The following ATG9B variants were observed in gnomAD, a reference collection of about 807,000 sequenced individuals.
ATG9B encodes the protein autophagy related 9B, also known as autophagy-related protein 9B.
In ATG9B, 92 loss-of-function variants were observed where a neutral mutation model predicts 92.9. That is an observed-to-expected ratio of 0.99 (90% CI 0.84 to 1.18). The LOEUF is 1.18. ATG9B is among the 50% of genes most tolerant of loss of function. ATG9B has a pLI of 0.00. For missense variants in ATG9B, 1,344 were observed against 1,235.0 expected, an observed-to-expected ratio of 1.09 and a Z score of -1.32; for synonymous variants, 599 against 551.4, an observed-to-expected ratio of 1.09 and a Z score of -1.21.
At chr7:151,017,848 C>T (rs1242956762) in intron 8 of ATG9B, 23 bp downstream of exon 8, 9 of 1,573,672 alleles carry the variant, frequency 5.7e-6, no homozygotes, top group Non-Finnish European at 7.8e-6. Context: ...CCCAAACCCC[C>T]AGGGCCAGGG....
At chr7:151,014,289 GCTGCAAGGATTCAGC>G, downstream of ATG9B, 1 of 1,049,816 alleles carries the variant, frequency 9.5e-7, no homozygotes, top group Admixed American at 2.7e-5. Flanking sequence ...CTGTCCAGAG[GCTGCAAGGATTCAGC>G]ATTATTCCTC....
chr7:151,016,787 G>A lies in ATG9B; in HGVS notation c.2324C>T (p.Pro775Leu). 1 of 1,612,218 alleles carries A rather than the reference G, an allele frequency of 6.2e-7. No individual in the cohort carries two copies. The highest frequency in any genetic ancestry group is 1.3e-5 in the African/African-American group (1 of 74,948). ...EAFLANLFVH[P>L]LLPPRDLSPT... Reference sequence around the variant, plus strand: ...GCTCAGATCTCTCGGAGGCAGGAGAGGGTGCACGAAGAGGTTGGCCAGGAA... The same window carrying A: ...GCTCAGATCTCTCGGAGGCAGGAGAAGGTGCACGAAGAGGTTGGCCAGGAA... The change falls in exon 10 of 14, where the codon CCT becomes CTT. Residue 775 changes from proline to leucine, a missense_variant. By Grantham distance (98) the Pro-to-Leu change is moderately conservative. Coordinates refer to ENST00000639579, the MANE Select transcript of ATG9B (RefSeq NM_001317056.2).
chr7:151,014,200 G>A, downstream of ATG9B: 1 of 1,574,638 alleles, frequency 6.4e-7, no homozygotes, highest in African/African-American at 1.3e-5. Flanking sequence ...CCAGTTCCGG[G>A]AGAGCGGCTG....
chr7:151,018,974 G>T lies in ATG9B; in HGVS notation c.1364C>A (p.Ala455Asp). 6.3e-7 allele frequency: 1 copy of T among 1,579,160 alleles called. No homozygotes were observed. Residue 455 changes from alanine to aspartate, a missense_variant, in exon 6 of 14, where the codon GCC becomes GAC. Physicochemically the swap from Ala to Asp is moderately radical, Grantham distance 126. Coordinates refer to ENST00000639579, the MANE Select transcript of ATG9B (RefSeq NM_001317056.2). The surrounding 1 kb of genome is among the most constrained non-coding windows in gnomAD (Gnocchi z 4.7). ...ATAGAAGACGTGCAGAACCTGCCAG[G>T]CCAGCACCAGCGGGCTCAGCGCCAG... Reference protein sequence around the residue: ...LNLALSPLVLAWQVLHVFYSH... With the variant: ...LNLALSPLVLDWQVLHVFYSH...
downstream of ATG9B, chr7:151,013,194 C>G (rs113526171): frequency 1.9e-6 from 3 of 1,592,562 alleles, no homozygotes; most frequent in South Asian, 2.3e-5. Flanking sequence ...CACTGTGCCC[C>G]GGAGAAGAGC....
At position 151,018,752 on chromosome 7, in the gene ATG9B, C is replaced by A. The variant is rs1275251548; in HGVS notation, c.1586G>T (p.Arg529Leu). The A allele has an allele frequency of 6.4e-7, 1 of 1,561,044 alleles. No individual in the cohort carries two copies. The highest frequency in any genetic ancestry group is 1.9e-5 in the Admixed American group (1 of 53,894). The change falls in exon 6 of 14, where the codon CGC (arginine) becomes CTC (leucine). Residue 529 changes from arginine to leucine, a missense_variant. By Grantham distance (102) the Arg-to-Leu change is moderately radical. Transcript: ENST00000639579. This position sits in a 1 kb window ranked among gnomAD's most constrained non-coding sequence, Gnocchi z 4.7. ...TGCACCCGCGAAGAAAACGAGCTGG[C>A]GGGCCAGCAGCGTGCGCAGGGGCGC... ...PPAPLRTLLARQLVFFAGALF... is the reference protein window; with the variant it reads ...PPAPLRTLLALQLVFFAGALF...
Position 151,018,578 on chromosome 7 carries a change from G to A in ATG9B, c.1718+42C>T. 1 of 1,572,594 alleles carries A rather than the reference G, an allele frequency of 6.4e-7. No individual in the cohort carries two copies. Among genetic ancestry groups the A allele is most frequent in the South Asian group, 1.1e-5 (1 of 87,920 alleles). On this transcript the variant is annotated intron_variant, in intron 6 of 13. Transcript: ENST00000639579. This position sits in a 1 kb window ranked among gnomAD's most constrained non-coding sequence, Gnocchi z 4.7. ...GAACCTCACATGGCCCCAGATCAGA[G>A]AAACCAACACACACCACCACCCCGG... is the stretch of plus-strand genomic sequence containing the variant.
rs1245466821 is a variant in ATG9B, at chr7:151,019,358, A to C, written c.980T>G (p.Val327Gly). The C allele has an allele frequency of 2.6e-6, 4 of 1,525,808 alleles. No individual in the cohort carries two copies. Among genetic ancestry groups the C allele is most frequent in the Non-Finnish European group, 3.5e-6 (4 of 1,143,798 alleles). 94.5% of individuals were successfully genotyped at this position (1,525,808 alleles called of 1,614,324 possible). ...LHIPPEELSS[V>G]PWAEVQSRLL... ...GCGGGACTGCACCTCTGCCCAGGGA[A>C]CCGAGCTCAGCTCCTCCTGAAAGGG... The change falls in exon 6 of 14, where the codon GTT (valine) becomes GGT (glycine). Residue 327 changes from valine to glycine, a missense_variant. Physicochemically the swap from Val to Gly is moderately radical, Grantham distance 109 (BLOSUM62 -3). Transcript: ENST00000639579.
chr7:151,023,889 G>C lies in ATG9B; in HGVS notation c.535C>G (p.Pro179Ala). ...GEEQQPLLHV[P>A]EGLRGSWHHI... ...ACACACATACCTCGGAGCCCTTCAG[G>C]GACATGAAGCAGGGGTTGCTGCTCC... The change falls in exon 1 of 14, where the codon CCT (proline) becomes GCT (alanine). Residue 179 changes from proline to alanine, a missense_variant. Physicochemically the swap from Pro to Ala is conservative, Grantham distance 27. Coordinates refer to ENST00000639579, the MANE Select transcript of ATG9B (RefSeq NM_001317056.2). The C allele has an allele frequency of 2.5e-6, 4 of 1,610,072 alleles. No individual in the cohort carries two copies. The highest frequency in any genetic ancestry group is 3.4e-6 in the Non-Finnish European group (4 of 1,178,472).
Position 151,017,088 on chromosome 7 carries a change from G to A in ATG9B, c.2237C>T (p.Ser746Leu), listed in dbSNP as rs750198585. The A allele has an allele frequency of 2.6e-5, 42 of 1,610,414 alleles. No homozygotes were observed. The highest frequency in any genetic ancestry group is 3.2e-5 in the Non-Finnish European group (38 of 1,178,892). Reference protein sequence around the residue: ...QQDAAAWGATSARGPSTPGVL... With the variant: ...QQDAAAWGATLARGPSTPGVL... ...CCCCGGGGTGGAGGGGCCGCGAGCC[G>A]AGGTGGCACCCCAGGCAGCTGCATC... Residue 746 changes from serine to leucine, a missense_variant, in exon 9 of 14, where the codon TCG becomes TTG. Transcript: ENST00000639579.
Position 151,021,233 on chromosome 7 carries a change from G to A in ATG9B, c.918C>T (p.Tyr306=), listed in dbSNP as rs749825989. ...CCCTGTAAAACACCTGGATGTCCCA[G>A]TAGCTGAAGAGGTTGCAGACTGAGC... ...LLRSVCNLFS[Y]WDIQVFYREA... Residue 306 remains tyrosine, a synonymous_variant, in exon 5 of 14, where the codon TAC becomes TAT. Transcript: ENST00000639579. The A allele has an allele frequency of 1.2e-6, 2 of 1,613,604 alleles. No homozygotes were observed. The highest frequency in any genetic ancestry group is 2.2e-5 in the South Asian group (2 of 91,086).
At chr7:151,013,127 C>G (rs1469291526), downstream of ATG9B, 6 of 1,297,626 alleles carry the variant, frequency 4.6e-6, no homozygotes, top group African/African-American at 2.9e-5. Context: ...GTGGTTTCAG[C>G]CCAAAACGCT....
chr7:151,016,660 C>A lies in ATG9B; in HGVS notation c.2423+28G>T. 4 of 1,553,758 alleles carry A rather than the reference C, an allele frequency of 2.6e-6. 1 individual carries two copies. The South Asian group carries it at 3.5e-5, about 14-fold the overall frequency. ...GGATCAGCCCACCCCCCTCCACATG[C>A]CCCTGCATCTCAGCCTCCACTCCTC... is the stretch of plus-strand genomic sequence containing the variant. On this transcript the variant is annotated intron_variant, in intron 10 of 13. Coordinates refer to ENST00000639579, the MANE Select transcript of ATG9B (RefSeq NM_001317056.2).
rs1835428 is a variant in ATG9B at position 151,018,730 on chromosome 7, A to G, written c.1608T>C (p.Gly536=). Residue 536 remains glycine (G), a synonymous_variant, in exon 6 of 14, where the codon GGT becomes GGC. Transcript: ENST00000639579. The surrounding 1 kb of genome is among the most constrained non-coding windows in gnomAD (Gnocchi z 4.7). ...LLARQLVFFA[G]ALFAALLVLT... ...GCACAAGCAGCGCGGCGAAGAGTGC[A>G]CCCGCGAAGAAAACGAGCTGGCGGG... 0.77 allele frequency: 1,226,320 copies of G among 1,582,792 alleles called. 476,547 individuals are homozygous for G. The highest frequency in any genetic ancestry group is 0.88 in the African/African-American group (63,943 of 72,564).
chr7:151,023,295 G>T, intron 3 of ATG9B, 89 bp from the exon 4 acceptor site: 2 of 1,603,346 alleles, frequency 1.2e-6, no homozygotes, highest in Non-Finnish European at 1.7e-6. Flanking sequence ...GCAGCCCATG[G>T]TTATCCTCCC....
chr7:151,017,978 C>A lies in ATG9B; in HGVS notation c.1945G>T (p.Ala649Ser). 1 of 1,606,308 alleles carries A rather than the reference C, an allele frequency of 6.2e-7. No homozygotes were observed. Among genetic ancestry groups the A allele is most frequent in the Admixed American group, 1.7e-5 (1 of 58,892 alleles). Residue 649 changes from alanine to serine, a missense_variant, in exon 8 of 14, where the codon GCC becomes TCC. Transcript: ENST00000639579. Reference sequence around the variant, plus strand: ...TGAAAAAAGTCGATAATCTCCAGGGCACGAGGGCGGAACCAGAAAAGCAGA... The same window carrying A: ...TGAAAAAAGTCGATAATCTCCAGGGAACGAGGGCGGAACCAGAAAAGCAGA... Reference protein sequence around the residue: ...LFLLFWFRPRALEIIDFFHHF... With the variant: ...LFLLFWFRPRSLEIIDFFHHF...
chr7:151,012,487 T>C (rs528894843), downstream of ATG9B: 3 of 1,609,218 alleles, frequency 1.9e-6, no homozygotes, highest in South Asian at 3.3e-5. Context: ...GGCTGGGGAC[T>C]AAAGGACTGC....
chr7:151,024,083 C>T lies in ATG9B; in HGVS notation c.341G>A (p.Trp114Ter), dbSNP rs765209505. The T allele has an allele frequency of 1.2e-6, 2 of 1,602,754 alleles. No individual in the cohort carries two copies. The highest frequency in any genetic ancestry group is 1.7e-6 in the Non-Finnish European group (2 of 1,175,166). Residue 114 changes from tryptophan (W) to a stop codon, truncating the protein, a stop_gained, in exon 1 of 14, where the codon TGG (tryptophan) becomes TAG (stop). Coordinates refer to ENST00000639579, the MANE Select transcript of ATG9B (RefSeq NM_001317056.2). LOFTEE classifies it high-confidence loss of function. ...CAGGGGTGGGGTGGAGTGGGATCCC[C>T]AGGAGGGAGATGCAGAGGCAGGTGT... ...AMTPASASPS[W>*]GSHSTPPLAP...
rs1795803012 is a variant in ATG9B at position 151,022,894 on chromosome 7, C to T, written c.821+151G>A. 1.6e-5 allele frequency: 15 copies of T among 922,168 alleles called. No homozygotes were observed. In the South Asian group the frequency reaches 2.5e-4, roughly 15 times the overall value. The allele number at this position is 922,168 out of a possible 1,614,324, so 57.1% of individuals were successfully genotyped here. A position where few individuals can be genotyped will look rare whatever the true frequency, so the allele number is the denominator to read the frequency against. On this transcript the variant is annotated intron_variant, in intron 4 of 13. Transcript: ENST00000639579. ...AAGTACAACTTAATACACTTAAGTA[C>T]AACTTAAAGTATATTAAGTGTATTT... is the stretch of plus-strand genomic sequence containing the variant.
Sources: gnomAD v4.1 joint callset for allele counts on GRCh38, gnomAD v4.1.1 for gene constraint, Gnocchi (gnomAD v3.1) non-coding constraint, MANE v1.5 for transcripts, NCBI Gene and HGNC (gene_info 2026-07-23, HGNC 2026-07-21) for gene names.